Variants in ZNF280D observed in about 807,000 individuals in gnomAD.
ZNF280D encodes the protein zinc finger protein 280D.
Under a neutral mutation model 94.7 loss-of-function variants are expected in ZNF280D, and 39 were observed. The observed-to-expected ratio is 0.41, with a 90% CI of 0.32 to 0.54. The LOEUF is 0.54. Ranked by LOEUF, ZNF280D falls within the 20% of genes least tolerant of loss-of-function variation. ZNF280D has a pLI of 0.22. For synonymous variants in ZNF280D, 398 were observed against 377.6 expected (o/e 1.05, Z -0.63); for missense variants, 1,090 against 1,149.3 (o/e 0.95, Z 0.75).
chr15:56,676,233 G>C (rs1291750345), intron 13 of ZNF280D, among the ~76,000 whole-genome samples: 1 of 152,100 alleles, frequency 6.6e-6, no homozygotes, highest in African/African-American at 2.4e-5. Flanking sequence ...TAAGGGGTTA[G>C]AAAGTTGAAA....
At chr15:56,667,085 A>G in intron 14 of ZNF280D, 99 bp from the exon 15 acceptor site, 2 of 916,218 alleles carry the variant, frequency 2.2e-6, no homozygotes, top group Non-Finnish European at 3.1e-6. Context: ...GAATTTTGAA[A>G]AAAGCACATA....
In ZNF280D at chr15:56,653,967, C is replaced by T; in HGVS notation, c.2213+231G>A. The T allele has an allele frequency of 2.2e-6, 3 of 1,395,006 alleles. No homozygotes were observed. In the South Asian group the frequency reaches 5.4e-5, roughly 25 times the overall value. 86.4% of individuals were successfully genotyped at this position (1,395,006 alleles called of 1,614,324 possible). A position where few individuals can be genotyped will look rare whatever the true frequency, so the allele number is the denominator to read the frequency against. On this transcript the variant is annotated intron_variant, in intron 19 of 21. Transcript: ENST00000267807. ...GTCATGAACTTGGCTGCTCAACTGCCTTTGTGTAAGAAAACATCTCAGAAC... is the reference window on the plus strand; with the variant it reads ...GTCATGAACTTGGCTGCTCAACTGCTTTTGTGTAAGAAAACATCTCAGAAC...
intron 6 of ZNF280D, chr15:56,699,805 C>T (rs555624803): frequency 6.4e-6 from 1 of 155,112 alleles, no homozygotes; most frequent in Non-Finnish European, 1.4e-5. Flanking sequence ...TTAAAAAACA[C>T]ACATTCAAGT....
chr15:56,652,529 A>T (rs2053266627), intron 19 of ZNF280D: 2 of 610,116 alleles, frequency 3.3e-6, no homozygotes, highest in Admixed American at 6.3e-5. Flanking sequence ...TAGTATAAAA[A>T]GTTTAGATCT....
intron 1 of ZNF280D, among the ~76,000 whole-genome samples, chr15:56,722,120 A>T (rs532749281): frequency 6.6e-6 from 1 of 152,314 alleles, no homozygotes; most frequent in Non-Finnish European, 1.5e-5. Context: ...TGGCTGGTGG[A>T]GCAGTCAAAA....
rs1267743157 is a variant in ZNF280D, at chr15:56,701,209, A to G, written c.205T>C (p.Tyr69His). ...GCACCATTCTTTAGTCCCCTTGAAT[A>G]TGAGCTGGGGTTAACTCTGTTCAAA... is the stretch of plus-strand genomic sequence containing the variant. ...NILNRVNPSS[Y>H]SRGLKNGALS... The change falls in exon 5 of 22, where the codon TAT (tyrosine) becomes CAT (histidine). Residue 69 changes from tyrosine to histidine, a missense_variant. By Grantham distance (83) the Tyr-to-His change is moderately conservative. Around this residue, in one of 3 missense-constraint regions of ZNF280D, gnomAD observed 386 missense variants for 372.0 expected, o/e 1.04. Transcript: ENST00000267807. 1.3e-6 allele frequency: 2 copies of G among 1,584,892 alleles called. No homozygotes were observed. The highest frequency in any genetic ancestry group is 2.4e-5 in the East Asian group (1 of 42,060).
chr15:56,645,780 C>A (rs1309889482), intron 19 of ZNF280D, among the ~76,000 whole-genome samples: 2 of 152,144 alleles, frequency 1.3e-5, no homozygotes, highest in African/African-American at 4.8e-5. Context: ...CTCCTGACCT[C>A]AGGTGATCCA....
chr15:56,638,892 C>T (rs2052480627), intron 20 of ZNF280D, among the ~76,000 whole-genome samples: 1 of 151,834 alleles, frequency 6.6e-6, no homozygotes, highest in Admixed American at 6.6e-5. Flanking sequence ...ATACGGTTTT[C>T]AATGATTATT....
intron 13 of ZNF280D, among the ~76,000 whole-genome samples, chr15:56,674,048 C>T (rs1298912824): frequency 6.6e-6 from 1 of 152,072 alleles, no homozygotes; most frequent in Admixed American, 6.6e-5. Context: ...CCAGAGGGCA[C>T]AAACTTGGTT....
chr15:56,636,522 C>T (rs1158124135), intron 20 of ZNF280D, among the ~76,000 whole-genome samples: 1 of 138,790 alleles, frequency 7.2e-6, no homozygotes, highest in Non-Finnish European at 1.5e-5. Context: ...CTAGCTCTGT[C>T]ACCTAGGATG....
intron 9 of ZNF280D, among the ~76,000 whole-genome samples, chr15:56,683,955 G>A (rs977536152): frequency 6.6e-6 from 1 of 152,144 alleles, no homozygotes; most frequent in African/African-American, 2.4e-5. Context: ...GATCTTAAAG[G>A]GTCAGTAAAA....
intron 1 of ZNF280D, among the ~76,000 whole-genome samples, chr15:56,711,179 G>A (rs960673709): frequency 6.6e-6 from 1 of 152,152 alleles, no homozygotes; most frequent in Non-Finnish European, 1.5e-5. Flanking sequence ...AGTTAACCTA[G>A]TGCCTTGCTT....
intron 21 of ZNF280D, among the ~76,000 whole-genome samples, chr15:56,633,865 C>CT (rs34438777): frequency 0.67 from 101,305 of 151,850 alleles, 34,833 homozygotes; most frequent in Non-Finnish European, 0.76. Flanking sequence ...AAATATAAAT[C>CT]TTTTTTTAAG....
intron 1 of ZNF280D, among the ~76,000 whole-genome samples, chr15:56,723,575 C>A (rs1254287015): frequency 2.0e-5 from 3 of 152,040 alleles, no homozygotes; most frequent in Non-Finnish European, 4.4e-5. Flanking sequence ...TTGCATTTCC[C>A]TTTTTCTACT....
At chr15:56,697,499 T>C (rs2056826264) in intron 6 of ZNF280D, among the ~76,000 whole-genome samples, 1 of 152,190 alleles carries the variant, frequency 6.6e-6, no homozygotes, top group South Asian at 2.1e-4. Flanking sequence ...GTTACATTTT[T>C]TAAAACATTA....
chr15:56,686,820 A>G (rs1268638227), intron 9 of ZNF280D, among the ~76,000 whole-genome samples: 1 of 126,910 alleles, frequency 7.9e-6, no homozygotes, highest in Non-Finnish European at 1.6e-5. Context: ...TTGGTTATAC[A>G]ACAATGAGAA....
chr15:56,726,070 G>C (rs2058619315), intron 1 of ZNF280D, among the ~76,000 whole-genome samples: 1 of 151,874 alleles, frequency 6.6e-6, no homozygotes, highest in African/African-American at 2.4e-5. Flanking sequence ...TTATTATGAA[G>C]GGTCTCTGAA....
chr15:56,725,390 T>C (rs1247658780), intron 1 of ZNF280D, among the ~76,000 whole-genome samples: 2 of 152,192 alleles, frequency 1.3e-5, no homozygotes, highest in Non-Finnish European at 2.9e-5. Context: ...TTAAAGATGA[T>C]AATAATGAAA....
At chr15:56,649,053 C>CAG (rs1301258642) in intron 19 of ZNF280D, among the ~76,000 whole-genome samples, 1 of 151,538 alleles carries the variant, frequency 6.6e-6, no homozygotes, top group Non-Finnish European at 1.5e-5. Flanking sequence ...TAGGTAAAGA[C>CAG]AGAGAGACAA....
Sources: allele counts gnomAD v4.1 joint callset (sites outside exome capture counted in the v4.1 genomes callset), GRCh38; gene constraint gnomAD v4.1.1; regional missense constraint gnomAD v4.1.1; transcripts MANE v1.5; gene names NCBI Gene and HGNC (gene_info 2026-07-23, HGNC 2026-07-21).